The following TNNI3K variants were observed in gnomAD, a reference collection of about 807,000 sequenced individuals.
TNNI3K encodes the protein TNNI3 interacting kinase.
A neutral mutation model predicts 114.5 loss-of-function variants in TNNI3K; 140 were observed. That is an observed-to-expected ratio of 1.22 (90% confidence interval 1.07 to 1.41). The LOEUF (loss-of-function observed/expected upper bound fraction) is 1.41. TNNI3K is among the 40% of genes most tolerant of loss of function. TNNI3K has a pLI of 0.00. For synonymous variants in TNNI3K, 347 were observed against 347.5 expected (o/e 1.00, Z 0.02); for missense variants, 1,125 against 1,007.6 (o/e 1.12, Z -1.58).
chr1:74,436,738 C>T (rs1475874289), intron 19 of TNNI3K, among the ~76,000 whole-genome samples: 1 of 151,860 alleles, frequency 6.6e-6, no homozygotes, highest in Admixed American at 6.6e-5. Context: ...ATTTGGAAAA[C>T]AGTATGGATA....
At chr1:74,318,015 A>G (rs1281544504) in intron 5 of TNNI3K, among the ~76,000 whole-genome samples, 1 of 152,162 alleles carries the variant, frequency 6.6e-6, no homozygotes, top group East Asian at 1.9e-4. Flanking sequence ...CTTCTCAAGA[A>G]AGGTAGTTTG....
At chr1:74,468,991 G>A (rs962894389) in intron 21 of TNNI3K, 3 of 151,976 alleles carry the variant, frequency 2.0e-5, no homozygotes, top group Non-Finnish European at 4.4e-5. Flanking sequence ...AGTGTATAAG[G>A]AGGAGTTCTC....
intron 4 of TNNI3K, among the ~76,000 whole-genome samples, chr1:74,253,628 C>G (rs113633305): frequency 0.018 from 2,799 of 152,178 alleles, 89 homozygotes; most frequent in African/African-American, 0.064. Context: ...ACTGGCCGGC[C>G]GCTCGGAGTG....
intron 2 of TNNI3K, among the ~76,000 whole-genome samples, chr1:74,246,673 G>A (rs1237336398): frequency 6.6e-6 from 1 of 152,142 alleles, no homozygotes; most frequent in African/African-American, 2.4e-5. Flanking sequence ...AAACAGGGAA[G>A]GATGCACATT....
At chr1:74,350,958 C>T (rs918833410) in intron 9 of TNNI3K, among the ~76,000 whole-genome samples, 10 of 152,024 alleles carry the variant, frequency 6.6e-5, no homozygotes, top group Non-Finnish European at 1.3e-4. Context: ...AGCATTTAGC[C>T]CATTTACATT....
At chr1:74,378,871 G>C (rs1557531669) in intron 17 of TNNI3K, 1 of 151,242 alleles carries the variant, frequency 6.6e-6, no homozygotes. Flanking sequence ...ATGTATACTG[G>C]TGATAACAGG....
At chr1:74,286,034 T>C (rs1049341896) in intron 5 of TNNI3K, among the ~76,000 whole-genome samples, 4 of 152,128 alleles carry the variant, frequency 2.6e-5, no homozygotes, top group Non-Finnish European at 5.9e-5. Context: ...AGCTAAGAAA[T>C]TCAGATGAGA....
intron 23 of TNNI3K, among the ~76,000 whole-genome samples, chr1:74,509,412 A>G (rs912327137): frequency 1.3e-5 from 2 of 152,228 alleles, no homozygotes; most frequent in South Asian, 4.1e-4. Flanking sequence ...AGAGTACTAC[A>G]TAACAATAGA....
chr1:74,398,984 C>T (rs1441663058), intron 17 of TNNI3K, among the ~76,000 whole-genome samples: 2 of 151,634 alleles, frequency 1.3e-5, no homozygotes, highest in Non-Finnish European at 2.9e-5. Context: ...GTTGAAACCC[C>T]ATCTCTACTG....
intron 5 of TNNI3K, among the ~76,000 whole-genome samples, chr1:74,305,086 T>C (rs1011948696): frequency 1.3e-5 from 2 of 152,218 alleles, no homozygotes; most frequent in Admixed American, 1.3e-4. Flanking sequence ...CAGATATCTA[T>C]TCTTGTTGGA....
Position 74,465,158 on chromosome 1 carries a change from G to A in TNNI3K, c.2121+1608G>A, listed in dbSNP as rs45520139. On this transcript the variant is annotated intron_variant, in intron 21 of 24. Transcript: ENST00000326637. ...CTCACTCACTCTCGGGGCCTCCTTGGCCTCGTAGTCCACTCTGGCCACACA... is the reference window on the plus strand; with the variant it reads ...CTCACTCACTCTCGGGGCCTCCTTGACCTCGTAGTCCACTCTGGCCACACA... 3.3e-3 allele frequency among the ~76,000 whole-genome samples: 498 copies of A among 152,276 alleles called. 5 individuals are homozygous for A. The highest frequency in any genetic ancestry group is 0.012 in the African/African-American group (489 of 41,558).
At chr1:74,381,557 C>T (rs958652988) in intron 17 of TNNI3K, among the ~76,000 whole-genome samples, 9 of 152,060 alleles carry the variant, frequency 5.9e-5, no homozygotes, top group African/African-American at 2.2e-4. Context: ...TTTCTTCTTG[C>T]CCTAAAGATC....
chr1:74,411,516 CA>C (rs1664879411), intron 17 of TNNI3K, among the ~76,000 whole-genome samples: 1 of 152,120 alleles, frequency 6.6e-6, no homozygotes, highest in South Asian at 2.1e-4. Flanking sequence ...CCCCCTCCCC[CA>C]CCCTGACACA....
rs142141225 is a variant in TNNI3K, at chr1:74,377,852, C to T, written c.1772+7460C>T. ...GCTAGATCTTTGGACCTATTCTGTG[C>T]CATGGGTACCATGGGTTTGTGGATC... On this transcript the variant is annotated intron_variant, in intron 17 of 24. Transcript: ENST00000326637. Among the ~76,000 whole-genome samples, 625 of 152,128 alleles carry T rather than the reference C, an allele frequency of 4.1e-3. 7 individuals are homozygous for T. The highest frequency in any genetic ancestry group is 0.014 in the African/African-American group (573 of 41,552).
chr1:74,255,132 A>G (rs949621283), intron 4 of TNNI3K, among the ~76,000 whole-genome samples: 2 of 152,058 alleles, frequency 1.3e-5, no homozygotes, highest in Non-Finnish European at 2.9e-5. Flanking sequence ...AGGCGGGCGG[A>G]TCACGAGGTC....
At chr1:74,312,934 A>G (rs45539137) in intron 5 of TNNI3K, among the ~76,000 whole-genome samples, 4,685 of 152,228 alleles carry the variant, frequency 0.031, 90 homozygotes, top group Middle Eastern at 0.048. Flanking sequence ...TGTTTCATCA[A>G]TGCGGCCACC....
intron 19 of TNNI3K, among the ~76,000 whole-genome samples, chr1:74,437,977 C>G (rs1319528900): frequency 6.6e-6 from 1 of 151,574 alleles, no homozygotes; most frequent in African/African-American, 2.4e-5. Context: ...ATTTAACCAA[C>G]AGCAAATAAT....
chr1:74,421,740 C>T (rs1428287637), intron 17 of TNNI3K, among the ~76,000 whole-genome samples: 1 of 151,928 alleles, frequency 6.6e-6, no homozygotes, highest in Non-Finnish European at 1.5e-5. Context: ...AGACATAAGC[C>T]ATTCTGTGTC....
intron 23 of TNNI3K, among the ~76,000 whole-genome samples, chr1:74,499,703 A>T (rs1669512895): frequency 6.6e-6 from 1 of 152,130 alleles, no homozygotes; most frequent in African/African-American, 2.4e-5. Flanking sequence ...TGAGATTTTG[A>T]TTATAGATAT....
Sources: gnomAD v4.1 joint callset for allele counts (sites outside exome capture counted in the v4.1 genomes callset) on GRCh38, gnomAD v4.1.1 for gene constraint, MANE v1.5 for transcripts, NCBI Gene and HGNC (gene_info 2026-07-23, HGNC 2026-07-21) for gene names.